Variants in COL14A1 observed in about 807,000 individuals in gnomAD.
COL14A1 encodes collagen type XIV alpha 1 chain.
In COL14A1, 136 loss-of-function variants were observed where a neutral mutation model predicts 230.3. That is an observed-to-expected ratio of 0.59 (90% CI 0.51 to 0.68). COL14A1 has a LOEUF of 0.68. Ranked by LOEUF, COL14A1 falls within the 30% of genes least tolerant of loss-of-function variation. COL14A1 has a pLI of 0.00. For missense variants in COL14A1, 1,976 were observed against 2,215.8 expected (o/e 0.89, Z 2.17); for synonymous variants, 792 against 784.1 (o/e 1.01, Z -0.17).
chr8:120,231,382 C>G (rs1586787646), intron 18 of COL14A1, 85 bp from the exon 19 acceptor site: 1 of 1,397,536 alleles, frequency 7.2e-7, no homozygotes, highest in East Asian at 2.3e-5. Flanking sequence ...ATGATGCTTG[C>G]TGTCACCCCA....
At position 120,278,525 on chromosome 8, in the gene COL14A1, A is replaced by T. The variant is rs1819927342; in HGVS notation, c.3428A>T (p.Asp1143Val). Reference protein sequence around the residue: ...GIPKVIVVITDGRSQDDVNKI... With the variant: ...GIPKVIVVITVGRSQDDVNKI... ...CCAAAGGTTATCGTGGTTATAACTG[A>T]TGGAAGATCACAAGATGATGTGAAC... is the stretch of plus-strand genomic sequence containing the variant. Residue 1143 changes from aspartate to valine, a missense_variant, in exon 28 of 48, where the codon GAT becomes GTT. By Grantham distance (152) the Asp-to-Val change is radical. Around this residue, in one of 3 missense-constraint regions of COL14A1, gnomAD observed 1,791 missense variants for 2,019.5 expected, o/e 0.89. Transcript: ENST00000297848. The T allele has an allele frequency of 1.9e-6, 3 of 1,613,062 alleles. No homozygotes were observed. The highest frequency in any genetic ancestry group is 1.7e-5 in the Admixed American group (1 of 59,864).
intron 13 of COL14A1, among the ~76,000 whole-genome samples, chr8:120,214,458 C>T (rs190762365): frequency 4.5e-4 from 69 of 152,126 alleles, no homozygotes; most frequent in African/African-American, 1.4e-3. Flanking sequence ...AAATTATGGA[C>T]AATTTTTAAT....
intron 41 of COL14A1, 104 bp from the exon 42 acceptor site, chr8:120,332,560 G>T: frequency 3.3e-6 from 3 of 918,010 alleles, no homozygotes; most frequent in Non-Finnish European, 3.4e-6. Flanking sequence ...GAGGGGGAGG[G>T]AAGCTATCAT....
chr8:120,316,456 G>A (rs1405158838), intron 40 of COL14A1, among the ~76,000 whole-genome samples: 1 of 152,154 alleles, frequency 6.6e-6, no homozygotes, highest in Non-Finnish European at 1.5e-5. Flanking sequence ...GTGGACAGTA[G>A]TACAATAAAG....
chr8:120,174,627 A>G (rs1187907875), intron 5 of COL14A1, among the ~76,000 whole-genome samples: 1 of 152,122 alleles, frequency 6.6e-6, no homozygotes, highest in Non-Finnish European at 1.5e-5. Context: ...GCCCACTTTC[A>G]GGCAGGCACT....
chr8:120,175,693 A>G (rs1030731904), intron 5 of COL14A1, among the ~76,000 whole-genome samples: 4 of 152,222 alleles, frequency 2.6e-5, no homozygotes, highest in Admixed American at 6.5e-5. Context: ...GAGTATTTGC[A>G]ACAGAGATCA....
chr8:120,189,520 C>T (rs2130675015), intron 5 of COL14A1, among the ~76,000 whole-genome samples: 1 of 151,402 alleles, frequency 6.6e-6, no homozygotes, highest in Non-Finnish European at 1.5e-5. Flanking sequence ...TTTTAGGGTA[C>T]ATGTGCACAA....
intron 7 of COL14A1, among the ~76,000 whole-genome samples, 185 bp downstream of exon 7, chr8:120,198,115 T>A: frequency 6.6e-6 from 1 of 152,172 alleles, no homozygotes; most frequent in Non-Finnish European, 1.5e-5. Context: ...CCTTTTACTC[T>A]ATGACTATAA....
chr8:120,194,031 G>A (rs1021750832), intron 5 of COL14A1, among the ~76,000 whole-genome samples: 9 of 152,202 alleles, frequency 5.9e-5, no homozygotes, highest in Non-Finnish European at 1.3e-4. Context: ...CCCTGCTTCG[G>A]CTCGCGCACG....
intron 5 of COL14A1, among the ~76,000 whole-genome samples, chr8:120,193,875 G>T (rs1289467463): frequency 6.6e-6 from 1 of 152,186 alleles, no homozygotes; most frequent in Admixed American, 6.5e-5. Flanking sequence ...ATAATCTCCT[G>T]TAGCACCGTT....
In COL14A1 at chr8:120,147,771, C is replaced by A. The variant is rs568300759; in HGVS notation, c.-37-35C>A. 2.0e-5 allele frequency: 22 copies of A among 1,107,758 alleles called. No homozygotes were observed. The South Asian group carries it at 2.6e-4, about 13-fold the overall frequency. 68.6% of individuals were successfully genotyped at this position (1,107,758 alleles called of 1,614,324 possible). A position where few individuals can be genotyped will look rare whatever the true frequency, so the allele number is the denominator to read the frequency against. On this transcript the variant is annotated intron_variant, in intron 1 of 47. Transcript: ENST00000297848. The stretch of plus-strand genomic sequence containing the variant: ...TGATTACATATACTTTATTTTCAGC[C>A]TTCTCAAAAATGTTCCTGTTCTCTC...
At chr8:120,222,859 A>AT in intron 14 of COL14A1, among the ~76,000 whole-genome samples, 1 of 152,354 alleles carries the variant, frequency 6.6e-6, no homozygotes, top group Admixed American at 6.5e-5. Context: ...GAGATAGACA[A>AT]TAAACATGTA....
chr8:120,163,650 C>G (rs1398814656), intron 4 of COL14A1, among the ~76,000 whole-genome samples: 1 of 152,130 alleles, frequency 6.6e-6, no homozygotes, highest in Non-Finnish European at 1.5e-5. Flanking sequence ...GTAATCCCAG[C>G]TACTTGGGAG....
intron 3 of COL14A1, among the ~76,000 whole-genome samples, chr8:120,159,858 A>G (rs1815603228): frequency 6.6e-6 from 1 of 151,872 alleles, no homozygotes; most frequent in South Asian, 2.1e-4. Flanking sequence ...TGCCTGGCTA[A>G]TTTTTATATG....
At chr8:120,307,807 T>C (rs1820898788) in intron 36 of COL14A1, among the ~76,000 whole-genome samples, 1 of 152,198 alleles carries the variant, frequency 6.6e-6, no homozygotes, top group African/African-American at 2.4e-5. Flanking sequence ...CCTCTTAAAC[T>C]ATTGGCAGAT....
At chr8:120,287,278 G>A (rs1307508903) in intron 33 of COL14A1, among the ~76,000 whole-genome samples, 3 of 151,786 alleles carry the variant, frequency 2.0e-5, no homozygotes, top group Non-Finnish European at 4.4e-5. Context: ...AGAAGAAAAG[G>A]TATCTGAAAA....
intron 14 of COL14A1, among the ~76,000 whole-genome samples, chr8:120,219,621 C>A (rs931908956): frequency 6.6e-6 from 1 of 152,168 alleles, no homozygotes; most frequent in African/African-American, 2.4e-5. Flanking sequence ...AAGACCCCAT[C>A]TCTTAATACT....
rs528788686 is a variant in COL14A1, at chr8:120,341,471, C to G, written c.4821+111C>G. 2.6e-6 allele frequency: 3 copies of G among 1,156,278 alleles called. No individual in the cohort carries two copies. In the South Asian group the frequency reaches 4.3e-5, roughly 17 times the overall value. 71.6% of individuals were successfully genotyped at this position (1,156,278 alleles called of 1,614,324 possible). ...ACCATTAATATTCATTGCAATTGTA[C>G]CAGTCTCTGTTTCTCCCTTTCCCCA... On this transcript the variant is annotated intron_variant, in intron 43 of 47. Coordinates refer to ENST00000297848, the MANE Select transcript of COL14A1 (RefSeq NM_021110.4).
intron 3 of COL14A1, among the ~76,000 whole-genome samples, chr8:120,161,446 C>G (rs1815663046): frequency 6.6e-6 from 1 of 152,162 alleles, no homozygotes; most frequent in Non-Finnish European, 1.5e-5. Flanking sequence ...TCAGTGTAAC[C>G]TGATGGAGAG....
Sources: gnomAD v4.1 joint callset for allele counts (sites outside exome capture counted in the v4.1 genomes callset) on GRCh38, gnomAD v4.1.1 for gene constraint, gnomAD v4.1.1 regional missense constraint, MANE v1.5 for transcripts, NCBI Gene and HGNC (gene_info 2026-07-23, HGNC 2026-07-21) for gene names.